The following PDS5B variants were observed in gnomAD, a reference collection of about 807,000 sequenced individuals.
PDS5B encodes PDS5 cohesin associated factor B, also known as sister chromatid cohesion protein PDS5 homolog B.
Under a neutral mutation model 184.1 loss-of-function variants are expected in PDS5B, and 51 were observed. The ratio of observed to expected loss-of-function variants is 0.28; its 90% confidence interval spans 0.22 to 0.35. The LOEUF (loss-of-function observed/expected upper bound fraction) is 0.35. Ranked by LOEUF, PDS5B falls within the 10% of genes least tolerant of loss-of-function variation. The pLI, the probability that PDS5B is intolerant of heterozygous loss-of-function variation, is 1.00. For synonymous variants in PDS5B, 566 were observed against 569.2 expected (o/e 0.99, Z 0.08); for missense variants, 1,180 against 1,723.3 (o/e 0.68, Z 5.58).
intron 34 of PDS5B, among the ~76,000 whole-genome samples, chr13:32,774,686 A>G (rs956168628): frequency 6.6e-6 from 1 of 152,242 alleles, no homozygotes; most frequent in Non-Finnish European, 1.5e-5. Flanking sequence ...CACAGGAAAC[A>G]TAAGTAGAAA....
intron 1 of PDS5B, among the ~76,000 whole-genome samples, chr13:32,634,000 A>C (rs1364965807): frequency 6.6e-6 from 1 of 152,116 alleles, no homozygotes; most frequent in Non-Finnish European, 1.5e-5. Context: ...TTCTCCTACT[A>C]AACTATACTT....
chr13:32,760,709 A>T lies in PDS5B; in HGVS notation c.3507A>T (p.Arg1169Ser). 5 of 1,613,380 alleles carry T rather than the reference A, an allele frequency of 3.1e-6. No homozygotes were observed. Among genetic ancestry groups the T allele is most frequent in the Non-Finnish European group, 4.2e-6 (5 of 1,179,722 alleles). ...SSSSNPSSPG[R>S]IKGRLDSSEM... ...GCTCAAATCCAAGCTCTCCTGGAAG[A>T]ATAAAGGGGAGGTAAGTGCAAAAGA... The change falls in exon 30 of 35, where the codon AGA (arginine) becomes AGT (serine). Residue 1169 changes from arginine to serine, a missense_variant. Physicochemically the swap from Arg to Ser is moderately radical, Grantham distance 110. Around this residue, in one of 11 missense-constraint regions of PDS5B, gnomAD observed 465 missense variants for 497.8 expected, o/e 0.93. Coordinates refer to ENST00000315596, the MANE Select transcript of PDS5B (RefSeq NM_015032.4).
At chr13:32,590,605 C>G (rs1468773611) in intron 1 of PDS5B, among the ~76,000 whole-genome samples, 1 of 152,112 alleles carries the variant, frequency 6.6e-6, no homozygotes, top group Non-Finnish European at 1.5e-5. Flanking sequence ...TTGTCTTTCT[C>G]TAGAAGAGGA....
At chr13:32,672,365 G>A (rs1048648384) in intron 7 of PDS5B, among the ~76,000 whole-genome samples, 1 of 151,982 alleles carries the variant, frequency 6.6e-6, no homozygotes, top group Non-Finnish European at 1.5e-5. Context: ...AGCCAATATT[G>A]AGTGAGTGTA....
chr13:32,608,503 G>A (rs534063070), intron 1 of PDS5B, among the ~76,000 whole-genome samples: 4 of 152,156 alleles, frequency 2.6e-5, no homozygotes, highest in South Asian at 2.1e-4. Context: ...TGTAGGAAGC[G>A]TTTGTATGCT....
intron 19 of PDS5B, among the ~76,000 whole-genome samples, chr13:32,716,212 TGAG>T (rs1952401345): frequency 6.8e-6 from 1 of 147,268 alleles, no homozygotes; most frequent in Non-Finnish European, 1.5e-5. Flanking sequence ...ATCTAGGAAG[TGAG>T]GAGCGCCTCT....
At chr13:32,594,596 G>A (rs575917093) in intron 1 of PDS5B, among the ~76,000 whole-genome samples, 1 of 152,208 alleles carries the variant, frequency 6.6e-6, no homozygotes, top group African/African-American at 2.4e-5. Context: ...AATTCTTGAA[G>A]GAGCAACCAT....
chr13:32,696,114 C>A (rs900536521), intron 14 of PDS5B, among the ~76,000 whole-genome samples: 44 of 152,110 alleles, frequency 2.9e-4, no homozygotes, highest in African/African-American at 8.9e-4. Context: ...CTTTAACTCT[C>A]AGTTCCTCTT....
chr13:32,669,539 GA>G (rs1950881517), intron 7 of PDS5B, among the ~76,000 whole-genome samples: 1 of 151,824 alleles, frequency 6.6e-6, no homozygotes, highest in Admixed American at 6.6e-5. Flanking sequence ...GTTAAATAAA[GA>G]AAAAAAGGCT....
chr13:32,625,774 A>T (rs1422915508), intron 1 of PDS5B, among the ~76,000 whole-genome samples: 16 of 151,808 alleles, frequency 1.1e-4, no homozygotes, highest in African/African-American at 2.7e-4. Flanking sequence ...GTTGCAATAA[A>T]AAAAAAAAAG....
At chr13:32,713,103 G>T (rs1952259092) in intron 19 of PDS5B, among the ~76,000 whole-genome samples, 1 of 152,106 alleles carries the variant, frequency 6.6e-6, no homozygotes, top group African/African-American at 2.4e-5. Context: ...TCTTATCCTT[G>T]TAAGAGTTTT....
chr13:32,675,366 T>C (rs1297048883), intron 8 of PDS5B, among the ~76,000 whole-genome samples: 1 of 152,202 alleles, frequency 6.6e-6, no homozygotes, highest in East Asian at 1.9e-4. Flanking sequence ...AGAAATCTGG[T>C]CTGTGTAGAT....
At chr13:32,627,743 A>T (rs567504588) in intron 1 of PDS5B, among the ~76,000 whole-genome samples, 23 of 152,332 alleles carry the variant, frequency 1.5e-4, no homozygotes, top group Admixed American at 1.4e-3. Flanking sequence ...TGATATAGTA[A>T]GATAATAGAA....
intron 6 of PDS5B, among the ~76,000 whole-genome samples, chr13:32,664,728 T>C (rs1399110670): frequency 6.6e-6 from 1 of 151,940 alleles, no homozygotes. Flanking sequence ...GTGACGCATG[T>C]CTGTAGTCCC....
At chr13:32,717,164 C>T (rs1952480379) in intron 19 of PDS5B, among the ~76,000 whole-genome samples, 1 of 152,262 alleles carries the variant, frequency 6.6e-6, no homozygotes. Flanking sequence ...GCCCCTCTGC[C>T]AGGCCACCAC....
intron 13 of PDS5B, among the ~76,000 whole-genome samples, chr13:32,693,617 T>A: frequency 6.6e-6 from 1 of 150,900 alleles, no homozygotes; most frequent in Non-Finnish European, 1.5e-5. Context: ...ATTGTGTGGC[T>A]CTAATCTGTA....
At chr13:32,752,389 C>G (rs1954017039) in intron 24 of PDS5B, among the ~76,000 whole-genome samples, 1 of 152,154 alleles carries the variant, frequency 6.6e-6, no homozygotes, top group South Asian at 2.1e-4. Flanking sequence ...AATGTATCCT[C>G]TACCTCCACT....
intron 2 of PDS5B, 138 bp downstream of exon 2, chr13:32,649,018 G>A: frequency 1.6e-6 from 1 of 644,656 alleles, no homozygotes; most frequent in Non-Finnish European, 2.8e-6. Context: ...AAAGATCTAA[G>A]GGAGTAGAGT....
At chr13:32,597,069 A>T (rs2057886898) in intron 1 of PDS5B, among the ~76,000 whole-genome samples, 1 of 151,298 alleles carries the variant, frequency 6.6e-6, no homozygotes, top group African/African-American at 2.4e-5. Context: ...ACAGCGTCTC[A>T]CTCTCCCAGG....
Sources: gnomAD v4.1 joint callset for allele counts (sites outside exome capture counted in the v4.1 genomes callset) on GRCh38, gnomAD v4.1.1 for gene constraint, gnomAD v4.1.1 regional missense constraint, MANE v1.5 for transcripts, NCBI Gene and HGNC (gene_info 2026-07-23, HGNC 2026-07-21) for gene names.